The following CSMD1 variants were observed in gnomAD, a reference collection of about 807,000 sequenced individuals.
CSMD1 encodes CUB and sushi domain-containing protein 1.
In CSMD1, 213 loss-of-function variants were observed where a neutral mutation model predicts 417.5. The observed-to-expected ratio is 0.51, with a 90% CI of 0.46 to 0.57. The LOEUF (loss-of-function observed/expected upper bound fraction) is 0.57. Ranked by LOEUF, CSMD1 falls within the 20% of genes least tolerant of loss-of-function variation. The pLI is 0.00. For synonymous variants in CSMD1, 2,862 were observed against 1,736.8 expected, an observed-to-expected ratio of 1.65 and a Z score of -16.11; for missense variants, 6,923 against 4,529.7, an observed-to-expected ratio of 1.53 and a Z score of -15.17.
chr8:4,735,647 A>G (rs959815917), intron 1 of CSMD1, among the ~76,000 whole-genome samples: 3 of 152,218 alleles, frequency 2.0e-5, no homozygotes, highest in Non-Finnish European at 4.4e-5. Context: ...AATAGAAGCT[A>G]GCACGCACTG....
intron 5 of CSMD1, among the ~76,000 whole-genome samples, chr8:3,835,687 T>G (rs780813843): frequency 6.7e-6 from 1 of 149,808 alleles, no homozygotes; most frequent in East Asian, 2.0e-4. Context: ...ATTGTGCACA[T>G]GTACCCTGAA....
chr8:4,677,581 C>T (rs1045546868), intron 1 of CSMD1, among the ~76,000 whole-genome samples: 2 of 152,112 alleles, frequency 1.3e-5, no homozygotes, highest in African/African-American at 4.8e-5. Flanking sequence ...TTTCATAGTG[C>T]CTAAGTAATT....
chr8:4,695,775 G>A lies in CSMD1; in HGVS notation c.86-58217C>T, dbSNP rs531030414. Among the ~76,000 whole-genome samples, 37 of 152,180 alleles carry A rather than the reference G, an allele frequency of 2.4e-4. No homozygotes were observed. The South Asian group carries it at 3.9e-3, about 16-fold the overall frequency. The stretch of plus-strand genomic sequence containing the variant: ...CAAATTTATTGTGATATGTATCCCC[G>A]ATATAGTATCATACAGCCTCTAGAA... On this transcript the variant is annotated intron_variant, in intron 1 of 69. Coordinates refer to ENST00000635120, the MANE Select transcript of CSMD1 (RefSeq NM_033225.6).
intron 5 of CSMD1, among the ~76,000 whole-genome samples, chr8:3,863,973 C>G (rs1804906944): frequency 6.6e-6 from 1 of 152,124 alleles, no homozygotes; most frequent in Non-Finnish European, 1.5e-5. Flanking sequence ...TTTCCTGAGG[C>G]TGCAGTCTAG....
chr8:3,887,942 T>C (rs1207084953), intron 5 of CSMD1, among the ~76,000 whole-genome samples: 1 of 152,156 alleles, frequency 6.6e-6, no homozygotes, highest in African/African-American at 2.4e-5. Context: ...ATACTTTCAA[T>C]AGCAATACTT....
intron 36 of CSMD1, among the ~76,000 whole-genome samples, chr8:3,182,265 T>G (rs528509981): frequency 6.6e-6 from 1 of 152,288 alleles, no homozygotes; most frequent in African/African-American, 2.4e-5. Context: ...TTTATTTTTT[T>G]AGATGGAGTC....
intron 50 of CSMD1, among the ~76,000 whole-genome samples, chr8:3,039,765 G>A (rs1810964699): frequency 6.6e-6 from 1 of 152,034 alleles, no homozygotes; most frequent in Non-Finnish European, 1.5e-5. Context: ...GTTACAGCAC[G>A]GCCTTAAAAC....
intron 1 of CSMD1, among the ~76,000 whole-genome samples, chr8:4,943,850 G>C (rs913219380): frequency 5.9e-5 from 9 of 152,190 alleles, no homozygotes; most frequent in African/African-American, 1.9e-4. Flanking sequence ...TCGAAGCCAA[G>C]ATAGAGCCAT....
intron 1 of CSMD1, among the ~76,000 whole-genome samples, chr8:4,706,253 T>G (rs1807934741): frequency 6.6e-6 from 1 of 152,036 alleles, no homozygotes; most frequent in African/African-American, 2.4e-5. Flanking sequence ...ACAACATATC[T>G]GACCTAAAAT....
chr8:4,744,515 T>C lies in CSMD1; in HGVS notation c.86-106957A>G, dbSNP rs183850866. 5.3e-5 allele frequency among the ~76,000 whole-genome samples: 8 copies of C among 152,330 alleles called. No homozygotes were observed. In the East Asian group the frequency reaches 1.5e-3, roughly 29 times the overall value. ...TAGCATAGGTTTTTCTTTGTGATAA[T>C]GGTATATGAATTACCTGTCTATATT... is the stretch of plus-strand genomic sequence containing the variant. On this transcript the variant is annotated intron_variant, in intron 1 of 69. Transcript: ENST00000635120.
chr8:3,562,421 C>G (rs948632895), intron 10 of CSMD1, among the ~76,000 whole-genome samples: 58 of 139,642 alleles, frequency 4.2e-4, no homozygotes, highest in Non-Finnish European at 7.7e-4. Flanking sequence ...TGCACAAACA[C>G]ACATGCACAC....
At chr8:3,340,502 G>A (rs370246649) in intron 23 of CSMD1, among the ~76,000 whole-genome samples, 7 of 152,058 alleles carry the variant, frequency 4.6e-5, no homozygotes, top group African/African-American at 1.7e-4. Flanking sequence ...CTTAAGTAGT[G>A]CAATTAACTA....
At chr8:3,815,066 T>A (rs1385594210) in intron 5 of CSMD1, among the ~76,000 whole-genome samples, 1 of 152,198 alleles carries the variant, frequency 6.6e-6, no homozygotes, top group African/African-American at 2.4e-5. Flanking sequence ...GGGAAAAAGA[T>A]TAAATGTCCC....
intron 3 of CSMD1, among the ~76,000 whole-genome samples, chr8:4,074,521 T>C (rs571957453): frequency 1.3e-5 from 2 of 152,202 alleles, no homozygotes; most frequent in East Asian, 3.9e-4. Flanking sequence ...AAACATGATA[T>C]TTGAGAACAT....
intron 3 of CSMD1, among the ~76,000 whole-genome samples, chr8:4,046,150 T>C (rs1798135000): frequency 6.6e-6 from 1 of 152,124 alleles, no homozygotes; most frequent in Admixed American, 6.6e-5. Flanking sequence ...TTATGTATCA[T>C]AAATTTATAT....
intron 26 of CSMD1, among the ~76,000 whole-genome samples, chr8:3,251,238 G>T (rs865874859): frequency 2.0e-5 from 3 of 152,130 alleles, no homozygotes; most frequent in African/African-American, 7.2e-5. Flanking sequence ...ATTAATTTTT[G>T]TATAAGGTGT....
intron 19 of CSMD1, among the ~76,000 whole-genome samples, 192 bp from the exon 20 acceptor site, chr8:3,367,439 G>A (rs1809669046): frequency 6.6e-6 from 1 of 151,770 alleles, no homozygotes; most frequent in South Asian, 2.1e-4. Context: ...AAAGAGATGA[G>A]ACAGAGATGG....
chr8:3,298,906 G>A (rs578006280), intron 25 of CSMD1, among the ~76,000 whole-genome samples: 7 of 152,158 alleles, frequency 4.6e-5, no homozygotes, highest in Non-Finnish European at 1.0e-4. Flanking sequence ...GTTACATGGG[G>A]GTGTTTCTTT....
At chr8:4,463,986 A>C (rs576899770) in intron 2 of CSMD1, among the ~76,000 whole-genome samples, 1 of 152,172 alleles carries the variant, frequency 6.6e-6, no homozygotes, top group African/African-American at 2.4e-5. Flanking sequence ...CCATTTAGCT[A>C]TAAGTCTCAT....
Sources: allele counts gnomAD v4.1 joint callset (sites outside exome capture counted in the v4.1 genomes callset), GRCh38; gene constraint gnomAD v4.1.1; transcripts MANE v1.5; gene names NCBI Gene and HGNC (gene_info 2026-07-23, HGNC 2026-07-21).